COL14A1: variants seen among roughly 807,000 people sequenced by gnomAD.
COL14A1 encodes collagen alpha-1(XIV) chain.
In COL14A1, 136 loss-of-function variants were observed where a neutral mutation model predicts 230.3. The observed-to-expected ratio is 0.59, with a 90% CI of 0.51 to 0.68. The LOEUF is 0.68. COL14A1 is among the 30% of genes least tolerant of loss of function. COL14A1 has a pLI of 0.00. For missense variants in COL14A1, 1,976 were observed against 2,215.8 expected (o/e 0.89, Z 2.17); for synonymous variants, 792 against 784.1 (o/e 1.01, Z -0.17).
At chr8:120,339,181 G>A (rs1057175040) in intron 42 of COL14A1, among the ~76,000 whole-genome samples, 1 of 152,190 alleles carries the variant, frequency 6.6e-6, no homozygotes, top group Non-Finnish European at 1.5e-5. Flanking sequence ...CACCATATTG[G>A]TCAGGCTGAT....
chr8:120,177,854 G>C (rs1290799792), intron 5 of COL14A1, among the ~76,000 whole-genome samples: 2 of 151,652 alleles, frequency 1.3e-5, no homozygotes, highest in Admixed American at 6.6e-5. Flanking sequence ...TGAACATAAA[G>C]AGTTCTGAAG....
intron 19 of COL14A1, among the ~76,000 whole-genome samples, chr8:120,237,779 A>G (rs912380788): frequency 5.3e-5 from 8 of 151,524 alleles, no homozygotes; most frequent in African/African-American, 1.7e-4. Context: ...GATGTTGGTG[A>G]CCTTTGGATG....
chr8:120,281,972 T>A (rs1005341937), intron 31 of COL14A1, among the ~76,000 whole-genome samples: 8 of 152,170 alleles, frequency 5.3e-5, no homozygotes, highest in Admixed American at 2.0e-4. Context: ...TCTTTTTTTT[T>A]ATTATACTTT....
intron 42 of COL14A1, among the ~76,000 whole-genome samples, chr8:120,334,405 A>C (rs1437768358): frequency 1.3e-5 from 2 of 151,892 alleles, no homozygotes; most frequent in Admixed American, 1.3e-4. Context: ...AAATACTTTT[A>C]GATCTCTTCT....
intron 39 of COL14A1, 52 bp downstream of exon 39, chr8:120,315,638 G>C (rs1464995311): frequency 6.9e-7 from 1 of 1,458,344 alleles, no homozygotes; most frequent in Non-Finnish European, 9.5e-7. Flanking sequence ...ACTTTGCCAA[G>C]GGGGAAAAAA....
chr8:120,230,572 C>G (rs1412462403), intron 18 of COL14A1, among the ~76,000 whole-genome samples: 1 of 152,124 alleles, frequency 6.6e-6, no homozygotes, highest in African/African-American at 2.4e-5. Context: ...ATCCCGAACT[C>G]CTTTCCCTAA....
rs1266105277 is a variant in COL14A1, at chr8:120,148,003, A to G, written c.88+73A>G. On this transcript the variant is annotated intron_variant, in intron 2 of 47. Transcript: ENST00000297848. The stretch of plus-strand genomic sequence containing the variant: ...TTGTTTCTGATTATCATTTTATTTT[A>G]TTTATCCTAACAATATGTCGGCTTT... The G allele has an allele frequency of 2.7e-6, 3 of 1,092,346 alleles. No homozygotes were observed. The Admixed American group carries it at 6.4e-5, about 23-fold the overall frequency. The allele number at this position is 1,092,346 out of a possible 1,614,324, so 67.7% of individuals were successfully genotyped here. A position where few individuals can be genotyped will look rare whatever the true frequency, so the allele number is the denominator to read the frequency against.
chr8:120,334,715 G>T (rs1413182112), intron 42 of COL14A1, among the ~76,000 whole-genome samples: 1 of 151,774 alleles, frequency 6.6e-6, no homozygotes, highest in Non-Finnish European at 1.5e-5. Context: ...TCTGGTATTT[G>T]GCTTCAGCCT....
At chr8:120,312,703 G>T (rs1310720328) in intron 37 of COL14A1, among the ~76,000 whole-genome samples, 1 of 151,974 alleles carries the variant, frequency 6.6e-6, no homozygotes, top group Non-Finnish European at 1.5e-5. Flanking sequence ...TAACTCCTTG[G>T]CCTGCTGGAC....
At chr8:120,332,491 TA>T (rs968956088) in intron 41 of COL14A1, among the ~76,000 whole-genome samples, 172 bp from the exon 42 acceptor site, 12 of 152,028 alleles carry the variant, frequency 7.9e-5, no homozygotes, top group African/African-American at 2.4e-4. Flanking sequence ...GTGAGGAGAC[TA>T]AAAAAAAGTC....
intron 5 of COL14A1, among the ~76,000 whole-genome samples, chr8:120,196,240 T>A (rs539573382): frequency 1.3e-5 from 2 of 152,366 alleles, no homozygotes; most frequent in South Asian, 4.1e-4. Flanking sequence ...CTTTTTCCCA[T>A]TATCTTGTTC....
intron 46 of COL14A1, among the ~76,000 whole-genome samples, chr8:120,368,119 T>C (rs1470125543): frequency 6.6e-6 from 1 of 152,190 alleles, no homozygotes; most frequent in Non-Finnish European, 1.5e-5. Flanking sequence ...CCTGCCATGG[T>C]AATCTTACTG....
intron 5 of COL14A1, among the ~76,000 whole-genome samples, chr8:120,171,144 A>G (rs962785952): frequency 6.6e-6 from 1 of 152,144 alleles, no homozygotes; most frequent in African/African-American, 2.4e-5. Flanking sequence ...GGAAAAGCTA[A>G]CATAGTCTAA....
At chr8:120,233,810 T>C (rs943274077) in intron 19 of COL14A1, among the ~76,000 whole-genome samples, 3 of 152,230 alleles carry the variant, frequency 2.0e-5, no homozygotes, top group African/African-American at 7.2e-5. Flanking sequence ...GACTCTTTTT[T>C]GGTTCCATGT....
chr8:120,168,132 A>G (rs1042338225), intron 4 of COL14A1, 29 bp from the exon 5 acceptor site: 9 of 1,437,106 alleles, frequency 6.3e-6, no homozygotes, highest in Non-Finnish European at 2.9e-6. Context: ...TTAGTATAAC[A>G]TGGTGCTGTA....
chr8:120,225,019 G>C, intron 14 of COL14A1, 69 bp from the exon 15 acceptor site: 1 of 1,460,780 alleles, frequency 6.8e-7, no homozygotes, highest in Non-Finnish European at 9.3e-7. Flanking sequence ...GCGAGCTACA[G>C]ACAATAATAA....
At chr8:120,261,986 G>A (rs1819341643) in intron 23 of COL14A1, among the ~76,000 whole-genome samples, 1 of 152,102 alleles carries the variant, frequency 6.6e-6, no homozygotes, top group Admixed American at 6.6e-5. Flanking sequence ...CTGCTGTTGT[G>A]GCAGCTTTGA....
At chr8:120,147,235 A>C (rs189907157) in intron 1 of COL14A1, among the ~76,000 whole-genome samples, 98 of 151,812 alleles carry the variant, frequency 6.5e-4, no homozygotes, top group African/African-American at 2.3e-3. Flanking sequence ...AACAATTTGG[A>C]AGAGTTTTAG....
chr8:120,224,307 G>A (rs1023253451), intron 14 of COL14A1, among the ~76,000 whole-genome samples: 4 of 152,044 alleles, frequency 2.6e-5, no homozygotes, highest in Non-Finnish European at 5.9e-5. Context: ...GATTGCAGGC[G>A]TGTAATCGTG....
Sources: gnomAD v4.1 joint callset for allele counts (sites outside exome capture counted in the v4.1 genomes callset) on GRCh38, gnomAD v4.1.1 for gene constraint, MANE v1.5 for transcripts, NCBI Gene and HGNC (gene_info 2026-07-23, HGNC 2026-07-21) for gene names.